Variants in LPO observed in about 807,000 individuals in gnomAD.
LPO encodes the protein lactoperoxidase.
A neutral mutation model predicts 68.4 loss-of-function variants in LPO; 70 were observed. The ratio of observed to expected loss-of-function variants is 1.02; its 90% CI spans 0.84 to 1.25. The LOEUF is 1.25. Ranked by LOEUF, LPO falls within the 50% of genes most tolerant of loss-of-function variation. The probability of loss-of-function intolerance (pLI) is 0.00; values close to 1 mark genes in which losing one functional copy is unlikely to be tolerated. For synonymous variants in LPO, 360 were observed against 357.6 expected (o/e 1.01, Z -0.08); for missense variants, 873 against 908.4 (o/e 0.96, Z 0.50).
chr17:58,266,941 A>T (rs1970279044), intron 11 of LPO, among the ~76,000 whole-genome samples: 1 of 152,262 alleles, frequency 6.6e-6, no homozygotes, highest in South Asian at 2.1e-4. Flanking sequence ...GAGAGAAACC[A>T]ATGACTGTTG....
In LPO at chr17:58,239,132, C is replaced by G. The variant is rs528739210; in HGVS notation, c.-3+393C>G. On this transcript the variant is annotated intron_variant, in intron 1 of 12. Coordinates refer to ENST00000262290, the MANE Select transcript of LPO (RefSeq NM_006151.3). ...GGTGCTCCCTGTGCTGTTCTTGAGA[C>G]AGTGTGATGAAATCTGGCCTCTCCA... Among the ~76,000 whole-genome samples, 6 of 152,082 alleles carry G rather than the reference C, an allele frequency of 3.9e-5. No homozygotes were observed. The East Asian group carries it at 1.2e-3, about 29-fold the overall frequency.
intron 8 of LPO, 67 bp downstream of exon 8, chr17:58,252,573 C>T (rs1969982918): frequency 1.4e-6 from 2 of 1,455,990 alleles, no homozygotes; most frequent in Non-Finnish European, 1.9e-6. Context: ...TTTACCACTG[C>T]CCCCTTCTTG....
chr17:58,258,457 T>C (rs1042818631), intron 9 of LPO, among the ~76,000 whole-genome samples: 4 of 152,192 alleles, frequency 2.6e-5, no homozygotes, highest in African/African-American at 9.7e-5. Context: ...ACTGTAGATG[T>C]GTGGATTTGT....
chr17:58,252,554 C>T, intron 8 of LPO, 48 bp downstream of exon 8: 1 of 1,552,148 alleles, frequency 6.4e-7, no homozygotes, highest in South Asian at 1.2e-5. Flanking sequence ...GGGGATTATC[C>T]AGGGAAGCTT....
intron 1 of LPO, among the ~76,000 whole-genome samples, chr17:58,240,219 AAGAGCATGAGT>A (rs1250139903): frequency 6.6e-6 from 1 of 152,138 alleles, no homozygotes; most frequent in African/African-American, 2.4e-5. Flanking sequence ...TTGTATAGGG[AAGAGCATGAGT>A]AGAGGCATGG....
At chr17:58,251,507 G>A (rs559688706) in intron 7 of LPO, 3 of 209,636 alleles carry the variant, frequency 1.4e-5, no homozygotes, top group East Asian at 1.2e-4. Flanking sequence ...ATTTCCATCC[G>A]GAAGGGAGAG....
intron 9 of LPO, among the ~76,000 whole-genome samples, chr17:58,259,663 G>A (rs979257007): frequency 2.0e-5 from 3 of 152,142 alleles, no homozygotes; most frequent in African/African-American, 7.2e-5. Flanking sequence ...TACATTTAGG[G>A]AGAGTTGACA....
At chr17:58,250,755 C>A in intron 7 of LPO, 134 bp downstream of exon 7, 1 of 846,058 alleles carries the variant, frequency 1.2e-6, no homozygotes, top group Non-Finnish European at 1.9e-6. Context: ...CCTCACGTGT[C>A]CATTCGTTCA....
chr17:58,257,250 GTACCCA>G (rs1970090331), intron 9 of LPO, among the ~76,000 whole-genome samples: 1 of 151,684 alleles, frequency 6.6e-6, no homozygotes, highest in African/African-American at 2.4e-5. Context: ...CTATTTTTTG[GTACCCA>G]CCAACCATCT....
chr17:58,244,331 G>A lies in LPO; in HGVS notation c.164+250G>A, dbSNP rs1450854466. The A allele has an allele frequency of 6.1e-6, 3 of 489,290 alleles. No homozygotes were observed. In the Admixed American group the frequency reaches 1.1e-4, roughly 17 times the overall value. 30.3% of individuals were successfully genotyped at this position (489,290 alleles called of 1,614,324 possible). A position where few individuals can be genotyped will look rare whatever the true frequency, so the allele number is the denominator to read the frequency against. ...GAGGACATCTAATCTAACCCTAGAA[G>A]GACTTTCTTCCACGTGGCCCAATGT... On this transcript the variant is annotated intron_variant, in intron 3 of 12. Transcript: ENST00000262290.
chr17:58,248,558 C>T (rs1024400333), intron 4 of LPO, among the ~76,000 whole-genome samples: 5 of 152,192 alleles, frequency 3.3e-5, no homozygotes, highest in African/African-American at 1.2e-4. Flanking sequence ...TACTCTGTCA[C>T]TCCTCCCACA....
intron 1 of LPO, among the ~76,000 whole-genome samples, chr17:58,241,129 T>TC (rs1487715868): frequency 5.8e-5 from 7 of 120,530 alleles, no homozygotes; most frequent in Non-Finnish European, 5.1e-5. Context: ...TTTTTTCTTT[T>TC]TTTTTTTTTT....
chr17:58,243,081 C>A, intron 2 of LPO, 26 bp downstream of exon 2: 2 of 1,606,926 alleles, frequency 1.2e-6, no homozygotes, highest in South Asian at 1.1e-5. Flanking sequence ...TACGGGTTTT[C>A]TGGGGCTGCT....
chr17:58,249,360 G>A (rs920050142), intron 5 of LPO, 183 bp downstream of exon 5: 11 of 923,756 alleles, frequency 1.2e-5, no homozygotes, highest in Non-Finnish European at 1.7e-5. Context: ...AGCCCACTGT[G>A]TGTCTCTGGA....
chr17:58,243,762 G>T, intron 2 of LPO: 2 of 573,920 alleles, frequency 3.5e-6, no homozygotes, highest in South Asian at 2.0e-5. Flanking sequence ...GGGCATTCTA[G>T]TGAGATCTCA....
In LPO at chr17:58,266,342, C is replaced by G; in HGVS notation, c.1693+16C>G. ...GGGCAACCTGGTGAGTGTCTGAAGTCTGGCCTGCACTGGGGAAATTTTAGC... is the reference window on the plus strand; with the variant it reads ...GGGCAACCTGGTGAGTGTCTGAAGTGTGGCCTGCACTGGGGAAATTTTAGC... On this transcript the variant is annotated intron_variant, in intron 11 of 12. Transcript: ENST00000262290. 6.2e-7 allele frequency: 1 copy of G among 1,610,620 alleles called. No homozygotes were observed. The highest frequency in any genetic ancestry group is 8.5e-7 in the Non-Finnish European group (1 of 1,178,356).
chr17:58,254,163 A>AGATAGAT (rs1970023447), intron 8 of LPO, among the ~76,000 whole-genome samples: 1 of 151,782 alleles, frequency 6.6e-6, no homozygotes, highest in Non-Finnish European at 1.5e-5. Context: ...ATAGATAGAT[A>AGATAGAT]GATAGATAGA....
chr17:58,242,869 C>G (rs994170973), intron 1 of LPO, 109 bp from the exon 2 acceptor site: 1 of 840,052 alleles, frequency 1.2e-6, no homozygotes, highest in Non-Finnish European at 2.0e-6. Flanking sequence ...TTTCCTGTTC[C>G]AATATTAGGG....
At chr17:58,252,879 C>T (rs893076242) in intron 8 of LPO, among the ~76,000 whole-genome samples, 6 of 151,600 alleles carry the variant, frequency 4.0e-5, no homozygotes, top group African/African-American at 4.8e-5. Context: ...AAAAATTAGC[C>T]GGGCGTGGTG....
Sources: gnomAD v4.1 joint callset for allele counts (sites outside exome capture counted in the v4.1 genomes callset) on GRCh38, gnomAD v4.1.1 for gene constraint, MANE v1.5 for transcripts, NCBI Gene and HGNC (gene_info 2026-07-23, HGNC 2026-07-21) for gene names.